The following ASB9 variants were observed in gnomAD, a reference collection of about 807,000 sequenced individuals.
ASB9 encodes the protein ankyrin repeat and SOCS box containing 9, also known as ankyrin repeat and SOCS box protein 9.
Under a neutral mutation model 16.6 loss-of-function variants are expected in ASB9, and 5 were observed. The observed-to-expected ratio is 0.30, with a 90% CI of 0.16 to 0.63. The LOEUF (loss-of-function observed/expected upper bound fraction) is 0.63. Among genes scored for constraint, ASB9 ranks in the 30% least tolerant of loss-of-function variants. The pLI is 0.82. For missense variants in ASB9, 216 were observed against 229.4 expected, an observed-to-expected ratio of 0.94 and a Z score of 0.38; for synonymous variants, 100 against 86.4, an observed-to-expected ratio of 1.16 and a Z score of -0.87.
chrX:15,246,003 G>A (rs747122770), intron 6 of ASB9, among the ~76,000 whole-genome samples: 12 of 111,868 alleles, frequency 1.1e-4, no homozygotes, highest in Non-Finnish European at 5.6e-5. Flanking sequence ...GCTTCCCAGT[G>A]TTCTCAAGGC....
At chrX:15,256,341 G>T (rs1602148095) in intron 2 of ASB9, among the ~76,000 whole-genome samples, 1 of 80,108 alleles carries the variant, frequency 1.2e-5, no homozygotes, top group Non-Finnish European at 2.3e-5. Flanking sequence ...TTTTTGAGAC[G>T]ATGTCTTGCT....
chrX:15,246,762 C>T (rs1278218606), intron 6 of ASB9, among the ~76,000 whole-genome samples: 1 of 111,211 alleles, frequency 9.0e-6, no homozygotes, highest in African/African-American at 3.3e-5. Context: ...CAGGCGTGAG[C>T]CACCGTGCCC....
At chrX:15,266,834 G>T (rs1289702832) in intron 1 of ASB9, among the ~76,000 whole-genome samples, 1 of 108,046 alleles carries the variant, frequency 9.3e-6, no homozygotes, top group African/African-American at 3.4e-5. Flanking sequence ...TACTCAGGAG[G>T]CTGAGGCAGG....
In ASB9 at chrX:15,248,776, C is replaced by A. The variant is rs768729194; in HGVS notation, c.728G>T (p.Ser243Ile). 8.3e-7 allele frequency: 1 copy of A among 1,209,150 alleles called. No homozygotes were observed. The highest frequency in any genetic ancestry group is 1.1e-6 in the Non-Finnish European group (1 of 894,677). Residue 243 changes from serine to isoleucine, a missense_variant, in exon 6 of 7, where the codon AGC becomes ATC. Transcript: ENST00000380488. ...CTCCAAGAAGAGCTGGGCCAAGGGG[C>A]TCTCTGGAGGCACCAGCTCCACAGG... ...KRPVELVPPE[S>I]PLAQLFLERE...
intron 1 of ASB9, among the ~76,000 whole-genome samples, chrX:15,267,546 C>T (rs1926610212): frequency 1.3e-5 from 1 of 79,419 alleles, no homozygotes; most frequent in African/African-American, 5.1e-5. Context: ...AGATTGAGAC[C>T]ATCCTGGCTA....
intron 1 of ASB9, 33 bp from the exon 2 acceptor site, chrX:15,258,978 G>A: frequency 9.2e-7 from 1 of 1,091,598 alleles, no homozygotes. Flanking sequence ...GTTATATCCT[G>A]CTAATGCACT....
At chrX:15,254,660 C>A in intron 3 of ASB9, 77 bp downstream of exon 3, 1 of 766,623 alleles carries the variant, frequency 1.3e-6, no homozygotes, top group South Asian at 2.5e-5. Context: ...ATCAAAAGTG[C>A]TGGAAGTTAT....
At chrX:15,262,033 C>T (rs1227269054) in intron 1 of ASB9, among the ~76,000 whole-genome samples, 4 of 111,598 alleles carry the variant, frequency 3.6e-5, no homozygotes, top group African/African-American at 1.3e-4. Context: ...ATAAATGAAA[C>T]CATACAGTAT....
intron 6 of ASB9, among the ~76,000 whole-genome samples, chrX:15,248,382 C>T (rs1201600635): frequency 3.6e-5 from 4 of 112,061 alleles, no homozygotes; most frequent in Admixed American, 9.5e-5. Flanking sequence ...AGATATCCTG[C>T]GGCCTCTTAC....
chrX:15,244,383 A>C lies in ASB9; in HGVS notation c.*123T>G, dbSNP rs1438644666. 4.7e-6 allele frequency: 4 copies of C among 856,830 alleles called. No individual in the cohort carries two copies. The highest frequency in any genetic ancestry group is 6.5e-6 in the Non-Finnish European group (4 of 613,806). 70.6% of individuals were successfully genotyped at this position (856,830 alleles called of 1,213,427 possible). On this transcript the variant is annotated 3_prime_UTR_variant, in exon 7 of 7. Coordinates refer to ENST00000380488, the MANE Select transcript of ASB9 (RefSeq NM_001031739.3). ...CAAACTCCATAAACAAGTTTATAAC[A>C]AATACAAATCTAATCGAAAAAACTA...
At chrX:15,246,568 C>T (rs1924684235) in intron 6 of ASB9, among the ~76,000 whole-genome samples, 1 of 111,495 alleles carries the variant, frequency 9.0e-6, no homozygotes, top group African/African-American at 3.3e-5. Context: ...CTCCACTTCC[C>T]AGGTTCACAC....
intron 1 of ASB9, among the ~76,000 whole-genome samples, chrX:15,266,375 T>C (rs1035129975): frequency 8.0e-5 from 9 of 112,231 alleles, no homozygotes; most frequent in Admixed American, 4.7e-4. Flanking sequence ...ACCATGTTAA[T>C]TGACCTACAG....
chrX:15,254,836 A>T lies in ASB9; in HGVS notation c.183T>A (p.Ala61=). ...SLRNLISQGW[A]VNIITADHVS... is the part of the protein sequence containing the mutation. The stretch of plus-strand genomic sequence containing the variant: ...CATGATCTGCCGTGATGATGTTCAC[A>T]GCCCACCCCTGAAGGAGGGGAAACA... Residue 61 remains alanine (A), a synonymous_variant, in exon 3 of 7, where the codon GCT becomes GCA. Coordinates refer to ENST00000380488, the MANE Select transcript of ASB9 (RefSeq NM_001031739.3). 2.5e-6 allele frequency: 3 copies of T among 1,207,118 alleles called. No individual in the cohort carries two copies. The highest frequency in any genetic ancestry group is 3.4e-6 in the Non-Finnish European group (3 of 891,441).
At chrX:15,263,814 A>G in intron 1 of ASB9, among the ~76,000 whole-genome samples, 1 of 111,692 alleles carries the variant, frequency 9.0e-6, no homozygotes, top group Non-Finnish European at 1.9e-5. Context: ...GGTGGGCTCA[A>G]TTTTGCAAGG....
chrX:15,256,191 A>G (rs1925518368), intron 2 of ASB9, among the ~76,000 whole-genome samples: 1 of 111,100 alleles, frequency 9.0e-6, no homozygotes, highest in South Asian at 3.8e-4. Context: ...TCCATAAGCA[A>G]AGTTTTATCA....
At chrX:15,268,368 G>C (rs1232485993) in intron 1 of ASB9, among the ~76,000 whole-genome samples, 2 of 106,722 alleles carry the variant, frequency 1.9e-5, no homozygotes, top group African/African-American at 3.4e-5. Flanking sequence ...CTGACTTCAG[G>C]GTCCCTGTTT....
chrX:15,258,768 A>T, intron 2 of ASB9, 98 bp downstream of exon 2: 1 of 644,781 alleles, frequency 1.6e-6, no homozygotes, highest in Non-Finnish European at 2.5e-6. Flanking sequence ...TAGGTCTTCT[A>T]TTTAATGAAT....
chrX:15,255,277 A>C (rs370789248), intron 2 of ASB9, among the ~76,000 whole-genome samples: 1 of 112,004 alleles, frequency 8.9e-6, no homozygotes, highest in South Asian at 3.8e-4. Flanking sequence ...AATGGCAAGC[A>C]CTACAAGGGT....
chrX:15,250,561 T>C lies in ASB9; in HGVS notation c.437A>G (p.His146Arg). The C allele has an allele frequency of 8.3e-7, 1 of 1,204,962 alleles. No homozygotes were observed. Among genetic ancestry groups the C allele is most frequent in the Non-Finnish European group, 1.1e-6 (1 of 891,946 alleles). Residue 146 changes from histidine to arginine, a missense_variant, in exon 5 of 7, where the codon CAC becomes CGC. Physicochemically the swap from His to Arg is conservative, Grantham distance 29. Coordinates refer to ENST00000380488, the MANE Select transcript of ASB9 (RefSeq NM_001031739.3). ...TATAAGAGAGTTGACACACTCCACG[T>C]GGCCTGCAGCCCAAAGCAGGAAGAA... is the stretch of plus-strand genomic sequence containing the variant. ...SPIHEAARRG[H>R]VECVNSLIAY...
Sources: allele counts gnomAD v4.1 joint callset (sites outside exome capture counted in the v4.1 genomes callset), GRCh38; gene constraint gnomAD v4.1.1; transcripts MANE v1.5; gene names NCBI Gene and HGNC (gene_info 2026-07-23, HGNC 2026-07-21).